Variants in NEK5 observed in about 807,000 individuals in gnomAD.
NEK5 encodes serine/threonine-protein kinase Nek5.
Under a neutral mutation model 109.2 loss-of-function variants are expected in NEK5, and 88 were observed. The ratio of observed to expected loss-of-function variants is 0.81; its 90% CI spans 0.68 to 0.96. The LOEUF (loss-of-function observed/expected upper bound fraction) is 0.96. NEK5 is among the 40% of genes least tolerant of loss of function. The pLI, the probability that NEK5 is intolerant of heterozygous loss-of-function variation, is 0.00. For synonymous variants in NEK5, 283 were observed against 299.9 expected, an observed-to-expected ratio of 0.94 and a Z score of 0.58; for missense variants, 834 against 920.7, an observed-to-expected ratio of 0.91 and a Z score of 1.22.
chr13:52,070,328 C>CA (rs35172666), intron 20 of NEK5, among the ~76,000 whole-genome samples: 3,218 of 150,632 alleles, frequency 0.021, 82 homozygotes, highest in Admixed American at 0.084. Flanking sequence ...AGGTATTATC[C>CA]AAAAAAAAAT....
intron 23 of NEK5, 103 bp from the exon 24 acceptor site, chr13:52,037,321 A>G (rs1173656669): frequency 2.3e-6 from 1 of 437,802 alleles, no homozygotes; most frequent in Non-Finnish European, 3.0e-6. Flanking sequence ...GAGCAATATA[A>G]AAGTTGCATT....
At chr13:52,055,898 G>C (rs374981949) in intron 22 of NEK5, among the ~76,000 whole-genome samples, 1 of 150,942 alleles carries the variant, frequency 6.6e-6, no homozygotes. Context: ...ACTAACGAGC[G>C]AAATAACCAG....
Position 52,033,801 on chromosome 13 carries a change from C to T in NEK5, c.*3147G>A, listed in dbSNP as rs1413736714. On this transcript the variant is annotated 3_prime_UTR_variant, in exon 24 of 24. Transcript: ENST00000684899. ...TGTAAATATACCCCAGAGTCCAAAACTCTGATATATTCATATATATTCACA... is the reference window on the plus strand; with the variant it reads ...TGTAAATATACCCCAGAGTCCAAAATTCTGATATATTCATATATATTCACA... 1 of 152,150 alleles carries T rather than the reference C, an allele frequency of 6.6e-6. No homozygotes were observed. Among genetic ancestry groups the T allele is most frequent in the Non-Finnish European group, 1.5e-5 (1 of 68,040 alleles). 9.4% of individuals were successfully genotyped at this position (152,150 alleles called of 1,614,324 possible).
chr13:52,108,464 T>A, intron 7 of NEK5, 60 bp from the exon 8 acceptor site: 1 of 1,070,382 alleles, frequency 9.3e-7, no homozygotes, highest in Non-Finnish European at 1.4e-6. Flanking sequence ...AGAAAAGTCT[T>A]AAGACATGGA....
At chr13:52,099,445 G>T (rs903304953) in intron 12 of NEK5, among the ~76,000 whole-genome samples, 2 of 152,160 alleles carry the variant, frequency 1.3e-5, no homozygotes, top group African/African-American at 4.8e-5. Context: ...GCCCAGGCAG[G>T]TGGATCACGA....
intron 22 of NEK5, among the ~76,000 whole-genome samples, chr13:52,053,651 C>T (rs1394716030): frequency 6.6e-6 from 1 of 152,142 alleles, no homozygotes; most frequent in Non-Finnish European, 1.5e-5. Context: ...TAATTTACAA[C>T]CCAGACAAGC....
chr13:52,120,022 C>T (rs931060145), intron 3 of NEK5, among the ~76,000 whole-genome samples: 8 of 152,148 alleles, frequency 5.3e-5, no homozygotes, highest in South Asian at 2.1e-4. Context: ...TTCTTCCTCA[C>T]TCTTGATGCT....
chr13:52,052,325 T>A (rs578233432), intron 22 of NEK5, among the ~76,000 whole-genome samples: 4 of 152,302 alleles, frequency 2.6e-5, no homozygotes, highest in Admixed American at 2.6e-4. Flanking sequence ...ATATTTTGGG[T>A]ACACACAGTG....
At chr13:52,080,110 C>A (rs1163706968) in intron 17 of NEK5, among the ~76,000 whole-genome samples, 2 of 151,906 alleles carry the variant, frequency 1.3e-5, no homozygotes, top group Non-Finnish European at 2.9e-5. Flanking sequence ...CCGGCAGCCA[C>A]CCCGTCTGGG....
chr13:52,056,832 A>C lies in NEK5; in HGVS notation c.2110+4987T>G, dbSNP rs1954560532. 2.6e-5 allele frequency among the ~76,000 whole-genome samples: 4 copies of C among 151,776 alleles called. No homozygotes were observed. In the South Asian group the frequency reaches 8.3e-4, roughly 32 times the overall value. ...GGGAAATTTATAGCACTAAATGCCCACAAGAGAAAGCAGGAAAGATCCAAA... is the reference window on the plus strand; with the variant it reads ...GGGAAATTTATAGCACTAAATGCCCCCAAGAGAAAGCAGGAAAGATCCAAA... On this transcript the variant is annotated intron_variant, in intron 22 of 23. Transcript: ENST00000684899.
At chr13:52,095,538 A>G (rs1260440361) in intron 12 of NEK5, among the ~76,000 whole-genome samples, 1 of 152,200 alleles carries the variant, frequency 6.6e-6, no homozygotes, top group Non-Finnish European at 1.5e-5. Flanking sequence ...TCCCTTCTAC[A>G]GGTCTGATAA....
intron 22 of NEK5, among the ~76,000 whole-genome samples, chr13:52,055,102 A>G (rs1441789243): frequency 1.3e-5 from 2 of 151,982 alleles, no homozygotes; most frequent in African/African-American, 2.4e-5. Context: ...AGAAGTGCTT[A>G]AAGGAGCTGA....
At chr13:52,068,026 C>T (rs2079543983) in intron 20 of NEK5, among the ~76,000 whole-genome samples, 2 of 151,972 alleles carry the variant, frequency 1.3e-5, no homozygotes, top group Admixed American at 6.6e-5. Context: ...GTGCCTTTTC[C>T]AAAAACAACC....
intron 16 of NEK5, among the ~76,000 whole-genome samples, chr13:52,084,758 AGAGAGTGTGTGT>A (rs1400741793): frequency 0.054 from 2,411 of 44,320 alleles, 13 homozygotes; most frequent in Non-Finnish European, 0.1. Context: ...AGAGAGAGAG[AGAGAGTGTGTGT>A]GTGTGTGTGT....
At chr13:52,104,127 T>G (rs963592433) in intron 9 of NEK5, among the ~76,000 whole-genome samples, 1 of 151,872 alleles carries the variant, frequency 6.6e-6, no homozygotes, top group Non-Finnish European at 1.5e-5. Flanking sequence ...GCCTGGCTAA[T>G]TTTTGTATTT....
At chr13:52,101,605 C>G (rs1239014141) in intron 11 of NEK5, among the ~76,000 whole-genome samples, 1 of 152,124 alleles carries the variant, frequency 6.6e-6, no homozygotes, top group African/African-American at 2.4e-5. Context: ...CCATGTCTAT[C>G]TGCAACCTTC....
At chr13:52,083,504 TC>T in intron 16 of NEK5, 152 bp from the exon 17 acceptor site, 1 of 595,378 alleles carries the variant, frequency 1.7e-6, no homozygotes, top group Non-Finnish European at 3.1e-6. Context: ...CCCAAATCCT[TC>T]CTCCATAGCC....
chr13:52,112,253 A>T lies in NEK5; in HGVS notation c.312+15T>A, dbSNP rs181039125. On this transcript the variant is annotated intron_variant, in intron 5 of 23. Transcript: ENST00000684899. Reference sequence around the variant, plus strand: ...ACACATACATAAAATTAAAAAGCAAATTAGAAGTTTTTACCTGATCTTCAC... The same window carrying T: ...ACACATACATAAAATTAAAAAGCAATTTAGAAGTTTTTACCTGATCTTCAC... The T allele has an allele frequency of 6.7e-6, 10 of 1,500,766 alleles. No individual in the cohort carries two copies. In the Admixed American group the frequency reaches 6.8e-5, roughly 10 times the overall value. 93.0% of individuals were successfully genotyped at this position (1,500,766 alleles called of 1,614,324 possible). A position where few individuals can be genotyped will look rare whatever the true frequency, so the allele number is the denominator to read the frequency against.
rs1322303844 is a variant in NEK5 at position 52,035,088 on chromosome 13, A to ACTC, written c.*1857_*1859dup. 6.6e-6 allele frequency: 1 copy of ACTC among 151,684 alleles called. No individual in the cohort carries two copies. The highest frequency in any genetic ancestry group is 1.5e-5 in the Non-Finnish European group (1 of 67,928). The allele number at this position is 151,684 out of a possible 1,614,324, so 9.4% of individuals were successfully genotyped here. A position where few individuals can be genotyped will look rare whatever the true frequency, so the allele number is the denominator to read the frequency against. On this transcript the variant is annotated 3_prime_UTR_variant, in exon 24 of 24. Transcript: ENST00000684899. ...CTAAAAGAGTTGCAGAATTAATGAT[A>ACTC]CTCCAATCTCTCAGGCCATGTGTCA... is the stretch of plus-strand genomic sequence containing the variant.
Sources: allele counts gnomAD v4.1 joint callset (sites outside exome capture counted in the v4.1 genomes callset), GRCh38; gene constraint gnomAD v4.1.1; transcripts MANE v1.5; gene names NCBI Gene and HGNC (gene_info 2026-07-23, HGNC 2026-07-21).